Variants in ZNF331 observed in about 807,000 individuals in gnomAD.
ZNF331 encodes C2H2-like zinc finger protein rearranged in thyroid adenomas.
ZNF331 carries 2 observed loss-of-function variants against 7.0 expected under a neutral mutation model. That is an observed-to-expected ratio of 0.29 (90% CI 0.12 to 0.90). The LOEUF (loss-of-function observed/expected upper bound fraction) is 0.90, where lower values mean the gene tolerates loss of function less well. Among genes scored for constraint, ZNF331 ranks in the 40% least tolerant of loss-of-function variants. The probability of loss-of-function intolerance (pLI) is 0.58; values close to 1 mark genes in which losing one functional copy is unlikely to be tolerated. For missense variants in ZNF331, 432 were observed against 587.7 expected, an observed-to-expected ratio of 0.74 and a Z score of 2.74; for synonymous variants, 196 against 205.4, an observed-to-expected ratio of 0.95 and a Z score of 0.39.
chr19:53,560,190 C>T lies in ZNF331; in HGVS notation c.-74+4282C>T, dbSNP rs1208988802. 1.7e-4 allele frequency among the ~76,000 whole-genome samples: 26 copies of T among 150,414 alleles called. No individual in the cohort carries two copies. Among genetic ancestry groups the T allele is most frequent in the Admixed American group, 4.0e-4 (6 of 15,058 alleles). ...CATATATACACACACCATACACACA[C>T]ATATATACACACACCATATATATAC... On this transcript the variant is annotated intron_variant, in intron 3 of 5. Transcript: ENST00000449416. The surrounding 1 kb of genome is among the most constrained non-coding windows in gnomAD (Gnocchi z 4.3).
rs926725146 is a variant in ZNF331 at position 53,577,368 on chromosome 19, C to G, written c.808C>G (p.Pro270Ala). 1.9e-6 allele frequency: 3 copies of G among 1,613,260 alleles called. No individual in the cohort carries two copies. Among genetic ancestry groups the G allele is most frequent in the South Asian group, 1.1e-5 (1 of 91,022 alleles). ...QHKRIHSGEK[P>A]YECKDCGKAF... ...CAAGAGAATTCATAGTGGGGAGAAGCCTTACGAGTGTAAAGACTGTGGGAA... is the reference window on the plus strand; with the variant it reads ...CAAGAGAATTCATAGTGGGGAGAAGGCTTACGAGTGTAAAGACTGTGGGAA... The change falls in exon 6 of 6, where the codon CCT becomes GCT. Residue 270 changes from proline to alanine, a missense_variant. This residue lies in a region of ZNF331 where 312 missense variants were observed against 448.6 expected (regional missense o/e 0.70). Transcript: ENST00000449416.
At chr19:53,537,002 A>T (rs912242634), upstream of ZNF331, among the ~76,000 whole-genome samples, 1 of 152,210 alleles carries the variant, frequency 6.6e-6, no homozygotes, top group Non-Finnish European at 1.5e-5. Flanking sequence ...GGTATTATAT[A>T]CTACAATCAC....
At position 53,571,091 on chromosome 19, in the gene ZNF331, CCTCGTGATCCGCCTGCCTTGTT is replaced by C. The variant is rs947039148; in HGVS notation, c.10-492_10-471del. ...TGCCAGGATGGTCTCGATCTCCTGA[CCTCGTGATCCGCCTGCCTTGTT>C]CTCGTGATCCGCCTGCCTTGGCCTC... On this transcript the variant is annotated intron_variant, in intron 4 of 5. Coordinates refer to ENST00000449416, the MANE Select transcript of ZNF331 (RefSeq NM_001079906.2). This position sits in a 1 kb window ranked among gnomAD's most constrained non-coding sequence, Gnocchi z 4.7. Among the ~76,000 whole-genome samples the C allele has an allele frequency of 9.2e-5, 14 of 151,428 alleles. No individual in the cohort carries two copies. The highest frequency in any genetic ancestry group is 2.4e-4 in the African/African-American group (10 of 41,224).
chr19:53,555,153 G>GCTGCTTCCCCTGCCT (rs1433227374), intron 2 of ZNF331: 3 of 153,314 alleles, frequency 2.0e-5, no homozygotes, highest in East Asian at 1.9e-4. Flanking sequence ...CAGCGTCTCT[G>GCTGCTTCCCCTGCCT]TGCTGAGATG....
intron 2 of ZNF331, among the ~76,000 whole-genome samples, chr19:53,541,141 C>G (rs1458332588): frequency 1.4e-5 from 2 of 146,846 alleles, no homozygotes; most frequent in South Asian, 2.1e-4. Context: ...GAGTTTCGCT[C>G]TTGTTGCCCA....
chr19:53,517,408 A>ACAGGACTT (rs1370945828), upstream of ZNF331, among the ~76,000 whole-genome samples: 2 of 152,144 alleles, frequency 1.3e-5, no homozygotes, highest in Non-Finnish European at 2.9e-5. Context: ...AGTCCTCCCC[A>ACAGGACTT]CAGGACTCTG....
Position 53,577,487 on chromosome 19 carries a change from T to C in ZNF331, c.927T>C (p.Thr309=). 6.2e-7 allele frequency: 1 copy of C among 1,614,130 alleles called. No individual in the cohort carries two copies. The highest frequency in any genetic ancestry group is 8.5e-7 in the Non-Finnish European group (1 of 1,180,022). Residue 309 remains threonine (T), a synonymous_variant, in exon 6 of 6, where the codon ACT becomes ACC. Coordinates refer to ENST00000449416, the MANE Select transcript of ZNF331 (RefSeq NM_001079906.2). ...YECQECGKAF[T]RVNYLTQHQK... ...GTCAAGAATGTGGGAAGGCCTTTAC[T>C]CGAGTCAATTACCTTACTCAGCATC... is the stretch of plus-strand genomic sequence containing the variant.
At chr19:53,526,671 G>C (rs1292814949) in intron 2 of ZNF331, among the ~76,000 whole-genome samples, 1 of 151,602 alleles carries the variant, frequency 6.6e-6, no homozygotes, top group Non-Finnish European at 1.5e-5. Context: ...TCCTGCCTCA[G>C]CTTCCCGAGT....
intron 3 of ZNF331, among the ~76,000 whole-genome samples, chr19:53,561,286 C>A (rs142674058): frequency 2.3e-4 from 32 of 141,796 alleles, no homozygotes; most frequent in African/African-American, 7.2e-4. Flanking sequence ...TTGGGACTAT[C>A]TCAGTAAATT....
Position 53,560,942 on chromosome 19 carries a change from T to G in ZNF331, c.-74+5034T>G, listed in dbSNP as rs2089846513. Among the ~76,000 whole-genome samples the G allele has an allele frequency of 6.6e-6, 1 of 152,136 alleles. No homozygotes were observed. The highest frequency in any genetic ancestry group is 2.1e-4 in the South Asian group (1 of 4,824). On this transcript the variant is annotated intron_variant, in intron 3 of 5. Coordinates refer to ENST00000449416, the MANE Select transcript of ZNF331 (RefSeq NM_001079906.2). The surrounding 1 kb of genome is among the most constrained non-coding windows in gnomAD (Gnocchi z 4.3). ...GGTAACATATTTGAAAGTACTGGAATTACCATAGAGACACATTTGAGAGGT... is the reference window on the plus strand; with the variant it reads ...GGTAACATATTTGAAAGTACTGGAAGTACCATAGAGACACATTTGAGAGGT...
chr19:53,572,561 C>CACACATATATATTATATAT (rs1257130963), intron 5 of ZNF331, among the ~76,000 whole-genome samples: 118 of 103,882 alleles, frequency 1.1e-3, no homozygotes, highest in Non-Finnish European at 1.6e-3. Context: ...TATATATACA[C>CACACATATATATTATATAT]ACACATATAT....
intron 2 of ZNF331, among the ~76,000 whole-genome samples, chr19:53,542,903 G>A (rs1444570424): frequency 6.6e-6 from 1 of 152,136 alleles, no homozygotes; most frequent in African/African-American, 2.4e-5. Flanking sequence ...TCTGCCTCCC[G>A]GGTTCAAGCG....
At chr19:53,544,768 C>T (rs1170608283) in intron 2 of ZNF331, among the ~76,000 whole-genome samples, 8 of 151,880 alleles carry the variant, frequency 5.3e-5, no homozygotes, top group Admixed American at 5.2e-4. Flanking sequence ...GAGTCTTTCT[C>T]TGTCACCCAG....
At chr19:53,566,632 T>C (rs2147608120) in intron 3 of ZNF331, among the ~76,000 whole-genome samples, 1 of 152,222 alleles carries the variant, frequency 6.6e-6, no homozygotes, top group East Asian at 1.9e-4. Context: ...AGAGGTTGCA[T>C]AGGACAGGTT....
rs755981000 is a variant in ZNF331, at chr19:53,577,966, C to T, written c.*14C>T. ...CACAACAGTTGAAGAGCCTTTTGAA[C>T]GCAGTAGCCCGCTCGTATCTATGGT... On this transcript the variant is annotated 3_prime_UTR_variant, in exon 6 of 6. Transcript: ENST00000449416. 2.8e-5 allele frequency: 44 copies of T among 1,596,810 alleles called. 1 individual carries two copies. The highest frequency in any genetic ancestry group is 1.0e-4 in the South Asian group (9 of 89,862).
intron 3 of ZNF331, among the ~76,000 whole-genome samples, chr19:53,567,663 A>G (rs1364859867): frequency 6.6e-6 from 1 of 151,732 alleles, no homozygotes; most frequent in East Asian, 1.9e-4. Flanking sequence ...CCTGGGAAAT[A>G]TAGTGAGACG....
rs762989341 is a variant in ZNF331 at position 53,569,403 on chromosome 19, T to C, written c.9+18T>C. Reference sequence around the variant, plus strand: ...TGGCCCAGGTAAGTGTATATTTCTCTTTCCTTCTTGAGCTATGATATTTGC... The same window carrying C: ...TGGCCCAGGTAAGTGTATATTTCTCCTTCCTTCTTGAGCTATGATATTTGC... On this transcript the variant is annotated intron_variant, in intron 4 of 5. Transcript: ENST00000449416. The C allele has an allele frequency of 6.8e-6, 11 of 1,613,738 alleles. No individual in the cohort carries two copies. In the African/African-American group the frequency reaches 1.5e-4, roughly 22 times the overall value.
At chr19:53,540,423 A>G (rs2088067536) in intron 2 of ZNF331, among the ~76,000 whole-genome samples, 1 of 151,854 alleles carries the variant, frequency 6.6e-6, no homozygotes. Context: ...TGGAGGCTCT[A>G]GGAGATAGTC....
intron 2 of ZNF331, among the ~76,000 whole-genome samples, chr19:53,553,103 A>C (rs2089118215): frequency 6.6e-6 from 1 of 152,240 alleles, no homozygotes; most frequent in East Asian, 1.9e-4. Flanking sequence ...ATTTACATGA[A>C]TCAGTATCAC....
Sources: gnomAD v4.1 joint callset for allele counts (sites outside exome capture counted in the v4.1 genomes callset) on GRCh38, gnomAD v4.1.1 for gene constraint, gnomAD v4.1.1 regional missense constraint, Gnocchi (gnomAD v3.1) non-coding constraint, MANE v1.5 for transcripts, NCBI Gene and HGNC (gene_info 2026-07-23, HGNC 2026-07-21) for gene names.